The following SSBP3 variants were observed in gnomAD, a reference collection of about 807,000 sequenced individuals.
SSBP3 encodes the protein single stranded DNA binding protein 3.
A neutral mutation model predicts 69.6 loss-of-function variants in SSBP3; 5 were observed. That is an observed-to-expected ratio of 0.07 (90% CI 0.04 to 0.15). The LOEUF is 0.15. Among genes scored for constraint, SSBP3 ranks in the 10% least tolerant of loss-of-function variants. The probability of loss-of-function intolerance (pLI) is 1.00; values close to 1 mark genes in which losing one functional copy is unlikely to be tolerated. For synonymous variants in SSBP3, 196 were observed against 193.4 expected (o/e 1.01, Z -0.11); for missense variants, 312 against 534.0 (o/e 0.58, Z 4.10).
intron 14 of SSBP3, among the ~76,000 whole-genome samples, chr1:54,234,369 TAA>T (rs1644449202): frequency 6.9e-6 from 1 of 144,026 alleles, no homozygotes; most frequent in Admixed American, 6.9e-5. Context: ...AAAAAATAAA[TAA>T]AAATAAAAAA....
chr1:54,237,197 G>A (rs1644509685), intron 14 of SSBP3: 1 of 152,334 alleles, frequency 6.6e-6, no homozygotes, highest in African/African-American at 2.4e-5. Flanking sequence ...CACGAATGCT[G>A]GAAGGATCAG....
intron 4 of SSBP3, among the ~76,000 whole-genome samples, chr1:54,347,908 G>A (rs1341330433): frequency 1.3e-5 from 2 of 152,172 alleles, no homozygotes; most frequent in South Asian, 4.1e-4. Context: ...GTTGTTTAAA[G>A]CCACCTAGTT....
intron 5 of SSBP3, among the ~76,000 whole-genome samples, chr1:54,281,028 G>A (rs1275697262): frequency 1.3e-5 from 2 of 152,194 alleles, no homozygotes; most frequent in Non-Finnish European, 2.9e-5. Context: ...GACAAGTAAA[G>A]TAAACAATGA....
At chr1:54,276,798 T>C (rs590041) in intron 5 of SSBP3, among the ~76,000 whole-genome samples, 95,252 of 151,582 alleles carry the variant, frequency 0.63, 30,564 homozygotes, top group African/African-American at 0.74. Context: ...ATCAAGCCCA[T>C]ACTCAACAAG....
chr1:54,238,700 C>T (rs1644546003), intron 14 of SSBP3: 1 of 310,228 alleles, frequency 3.2e-6, no homozygotes. Flanking sequence ...GCAGGCGGGT[C>T]CCCCAGCGAG....
chr1:54,272,488 TAAA>T (rs1170938104), intron 5 of SSBP3, among the ~76,000 whole-genome samples: 1 of 148,004 alleles, frequency 6.8e-6, no homozygotes, highest in African/African-American at 2.5e-5. Context: ...ACCTTTTTTT[TAAA>T]AAAAAAAAAA....
chr1:54,397,620 A>C (rs1648989554), intron 4 of SSBP3, among the ~76,000 whole-genome samples: 1 of 152,146 alleles, frequency 6.6e-6, no homozygotes, highest in Non-Finnish European at 1.5e-5. Flanking sequence ...CCAAGATGAA[A>C]GGGAACTCAG....
chr1:54,266,064 A>T (rs2100792336), intron 5 of SSBP3, among the ~76,000 whole-genome samples: 1 of 152,380 alleles, frequency 6.6e-6, no homozygotes, highest in Middle Eastern at 3.4e-3. Context: ...AAGTATAGGC[A>T]GCGTCCAAAA....
chr1:54,235,282 T>C (rs1013265491), intron 14 of SSBP3, among the ~76,000 whole-genome samples: 1 of 70,496 alleles, frequency 1.4e-5, no homozygotes, highest in African/African-American at 5.1e-5. Flanking sequence ...AGTTTTTTTT[T>C]TTTTTTTTTT....
exon 17 of SSBP3, chr1:54,228,261 G>C: frequency 6.2e-7 from 1 of 1,613,980 alleles, no homozygotes; most frequent in Non-Finnish European, 8.5e-7. Context: ...TTACATTGTC[G>C]TTCTGAAAGG....
chr1:54,261,112 CCT>C (rs780159369), intron 5 of SSBP3, among the ~76,000 whole-genome samples: 1 of 152,360 alleles, frequency 6.6e-6, no homozygotes, highest in South Asian at 2.1e-4. Context: ...CACTACGTTC[CCT>C]GTGTCTAGGC....
At chr1:54,264,271 T>C (rs1484195689) in intron 5 of SSBP3, among the ~76,000 whole-genome samples, 1 of 152,120 alleles carries the variant, frequency 6.6e-6, no homozygotes, top group East Asian at 1.9e-4. Context: ...CACTGCACTC[T>C]AGCCTGGGTG....
At chr1:54,375,549 G>GT (rs1481882068) in intron 4 of SSBP3, among the ~76,000 whole-genome samples, 1 of 152,138 alleles carries the variant, frequency 6.6e-6, no homozygotes, top group Non-Finnish European at 1.5e-5. Flanking sequence ...GCAGCTGACT[G>GT]TGACTCCAGT....
chr1:54,238,536 C>T (rs1462137003), intron 14 of SSBP3: 5 of 366,522 alleles, frequency 1.4e-5, no homozygotes, highest in Admixed American at 3.8e-5. Context: ...AACCAAGTCC[C>T]ATCCAGTGGG....
At chr1:54,344,415 C>T (rs1569877506) in intron 4 of SSBP3, among the ~76,000 whole-genome samples, 1 of 152,152 alleles carries the variant, frequency 6.6e-6, no homozygotes, top group South Asian at 2.1e-4. Context: ...TTGAAGCCCC[C>T]TTTTGAGAAT....
chr1:54,310,769 C>T (rs1306714906), intron 4 of SSBP3, among the ~76,000 whole-genome samples: 1 of 152,190 alleles, frequency 6.6e-6, no homozygotes, highest in Non-Finnish European at 1.5e-5. Context: ...GATTCAAGTA[C>T]AGTATTTCCA....
intron 4 of SSBP3, among the ~76,000 whole-genome samples, chr1:54,320,588 G>C (rs1646193898): frequency 6.6e-6 from 1 of 152,186 alleles, no homozygotes; most frequent in South Asian, 2.1e-4. Context: ...AAAGTGCTGG[G>C]ATTACAATAG....
At chr1:54,331,540 G>T (rs1477965933) in intron 4 of SSBP3, among the ~76,000 whole-genome samples, 1 of 152,194 alleles carries the variant, frequency 6.6e-6, no homozygotes, top group Non-Finnish European at 1.5e-5. Flanking sequence ...CCACACCTGT[G>T]ATCTACTGTG....
At chr1:54,321,278 T>C (rs777644477) in intron 4 of SSBP3, among the ~76,000 whole-genome samples, 9 of 152,238 alleles carry the variant, frequency 5.9e-5, no homozygotes, top group Admixed American at 1.3e-4. Flanking sequence ...TGGTGCAGCG[T>C]GGCCAGATGT....
Sources: gnomAD v4.1 joint callset for allele counts (sites outside exome capture counted in the v4.1 genomes callset) on GRCh38, gnomAD v4.1.1 for gene constraint, MANE v1.5 for transcripts, NCBI Gene and HGNC (gene_info 2026-07-23, HGNC 2026-07-21) for gene names.